Variants in ARNT2 observed in about 807,000 individuals in gnomAD.
ARNT2 encodes the protein aryl hydrocarbon receptor nuclear translocator 2.
Under a neutral mutation model 91.7 loss-of-function variants are expected in ARNT2, and 36 were observed. That is an observed-to-expected ratio of 0.39 (90% CI 0.30 to 0.52). ARNT2 has a LOEUF of 0.52. Among genes scored for constraint, ARNT2 ranks in the 20% least tolerant of loss-of-function variants. The pLI is 0.72. For missense variants in ARNT2, 775 were observed against 939.3 expected (o/e 0.83, Z 2.29); for synonymous variants, 365 against 347.1 (o/e 1.05, Z -0.57).
chr15:80,590,189 C>T (rs1167289684), intron 17 of ARNT2, among the ~76,000 whole-genome samples: 2 of 152,116 alleles, frequency 1.3e-5, no homozygotes, highest in Non-Finnish European at 2.9e-5. Flanking sequence ...CCAGCATGAT[C>T]GTTGGAAAGA....
At chr15:80,559,333 C>CCCCAGACCCAGCCCCAGA (rs1359154126) in intron 11 of ARNT2, among the ~76,000 whole-genome samples, 2 of 147,716 alleles carry the variant, frequency 1.4e-5, no homozygotes, top group Non-Finnish European at 3.1e-5. Context: ...CCAGACCCAG[C>CCCCAGACCCAGCCCCAGA]CCCAGCCCCA....
At chr15:80,507,605 G>C (rs1897292321) in intron 5 of ARNT2, among the ~76,000 whole-genome samples, 1 of 152,140 alleles carries the variant, frequency 6.6e-6, no homozygotes, top group African/African-American at 2.4e-5. Context: ...TCAAAACCTG[G>C]GTGTGGATAA....
rs118063924 is a variant in ARNT2, at chr15:80,515,342, C to T, written c.877+937C>T. Among the ~76,000 whole-genome samples the T allele has an allele frequency of 2.2e-4, 34 of 151,998 alleles. 2 individuals carry two copies. The East Asian group carries it at 6.6e-3, about 29-fold the overall frequency. On this transcript the variant is annotated intron_variant, in intron 8 of 18. Transcript: ENST00000303329. ...AAAATGGAAACAACTCAAATGTACACCAAGTGATGAATAGATAAATAAAAT... is the reference window on the plus strand; with the variant it reads ...AAAATGGAAACAACTCAAATGTACATCAAGTGATGAATAGATAAATAAAAT...
chr15:80,490,761 T>G (rs943156385), intron 5 of ARNT2, among the ~76,000 whole-genome samples: 2 of 152,238 alleles, frequency 1.3e-5, no homozygotes, highest in Non-Finnish European at 2.9e-5. Context: ...AGTCAACAGA[T>G]AGTTATCAGC....
intron 6 of ARNT2, among the ~76,000 whole-genome samples, chr15:80,510,608 ATCACG>A (rs746088262): frequency 2.7e-3 from 169 of 62,076 alleles, no homozygotes; most frequent in Non-Finnish European, 5.9e-3. Flanking sequence ...AGGCGGGCAG[ATCACG>A]AGGTCAAGAG....
intron 5 of ARNT2, among the ~76,000 whole-genome samples, chr15:80,483,234 G>T (rs1367949176): frequency 6.6e-6 from 1 of 152,218 alleles, no homozygotes; most frequent in East Asian, 1.9e-4. Flanking sequence ...TAGGATTCCC[G>T]AGGAACTTAT....
intron 11 of ARNT2, among the ~76,000 whole-genome samples, chr15:80,557,909 A>G (rs1898227065): frequency 6.6e-6 from 1 of 152,210 alleles, no homozygotes; most frequent in South Asian, 2.1e-4. Context: ...CTTTACTTAA[A>G]ACATGCCAAC....
intron 12 of ARNT2, among the ~76,000 whole-genome samples, chr15:80,566,109 T>C (rs1256654933): frequency 6.6e-6 from 1 of 152,162 alleles, no homozygotes; most frequent in Non-Finnish European, 1.5e-5. Context: ...GTAAAAGTGG[T>C]CTGCAGTAAC....
chr15:80,464,800 G>A (rs943821220), intron 3 of ARNT2, among the ~76,000 whole-genome samples: 2 of 152,196 alleles, frequency 1.3e-5, no homozygotes, highest in Admixed American at 1.3e-4. Flanking sequence ...CATGAAGGAT[G>A]TTCCTGGAAA....
At chr15:80,561,951 A>G (rs906649847) in intron 11 of ARNT2, among the ~76,000 whole-genome samples, 5 of 152,196 alleles carry the variant, frequency 3.3e-5, no homozygotes, top group Admixed American at 2.0e-4. Context: ...GTGTGTATAT[A>G]TAGGAAACAG....
intron 5 of ARNT2, among the ~76,000 whole-genome samples, chr15:80,482,314 A>T (rs1896902757): frequency 6.6e-6 from 1 of 152,176 alleles, no homozygotes; most frequent in Admixed American, 6.5e-5. Flanking sequence ...CTTGCCCAGG[A>T]TTGGGGAAGG....
chr15:80,562,481 C>T (rs149094959), intron 11 of ARNT2, among the ~76,000 whole-genome samples: 56 of 152,276 alleles, frequency 3.7e-4, no homozygotes, highest in African/African-American at 1.3e-3. Context: ...TTATGAGGCT[C>T]TTTCTGAAGC....
chr15:80,443,945 T>G (rs1896237985), intron 1 of ARNT2, among the ~76,000 whole-genome samples: 1 of 152,200 alleles, frequency 6.6e-6, no homozygotes, highest in Admixed American at 6.5e-5. Flanking sequence ...CTTTTCCTTG[T>G]GTAATGGAAA....
intron 18 of ARNT2, among the ~76,000 whole-genome samples, chr15:80,592,862 G>A (rs1190200092): frequency 6.6e-6 from 1 of 152,224 alleles, no homozygotes; most frequent in Non-Finnish European, 1.5e-5. Context: ...CGAAAAACTG[G>A]TTAAACAAAG....
At chr15:80,575,756 G>A (rs897127462) in intron 14 of ARNT2, among the ~76,000 whole-genome samples, 10 of 152,180 alleles carry the variant, frequency 6.6e-5, no homozygotes, top group African/African-American at 9.6e-5. Context: ...CTAGTGGAAC[G>A]TCAAGGCACA....
chr15:80,572,496 C>T (rs1898601648), intron 12 of ARNT2, among the ~76,000 whole-genome samples: 1 of 151,870 alleles, frequency 6.6e-6, no homozygotes, highest in Non-Finnish European at 1.5e-5. Flanking sequence ...CTCCCACCCT[C>T]CCCTCTCTTC....
Position 80,568,282 on chromosome 15 carries a change from G to A in ARNT2, c.1316+5043G>A, listed in dbSNP as rs930900162. Among the ~76,000 whole-genome samples the A allele has an allele frequency of 8.5e-5, 13 of 152,294 alleles. No homozygotes were observed. The East Asian group carries it at 2.5e-3, about 29-fold the overall frequency. On this transcript the variant is annotated intron_variant, in intron 12 of 18. Transcript: ENST00000303329. ...TTGAGTCATTTCAGCGTTTTTACAT[G>A]GGCACGACCTAGCTGCTGTGCTTTC... is the stretch of plus-strand genomic sequence containing the variant.
At chr15:80,511,466 A>G (rs1897340285) in intron 6 of ARNT2, among the ~76,000 whole-genome samples, 2 of 152,112 alleles carry the variant, frequency 1.3e-5, no homozygotes, top group African/African-American at 4.8e-5. Context: ...TCTGTACAAC[A>G]AAGCCCATGA....
chr15:80,478,426 A>G (rs1768187221), intron 5 of ARNT2, among the ~76,000 whole-genome samples: 1 of 152,214 alleles, frequency 6.6e-6, no homozygotes, highest in South Asian at 2.1e-4. Flanking sequence ...CCACATTTGG[A>G]CAGAAATGTC....
Sources: gnomAD v4.1 joint callset for allele counts (sites outside exome capture counted in the v4.1 genomes callset) on GRCh38, gnomAD v4.1.1 for gene constraint, MANE v1.5 for transcripts, NCBI Gene and HGNC (gene_info 2026-07-23, HGNC 2026-07-21) for gene names.